Variants in SPNS2 observed in about 807,000 individuals in gnomAD.
The protein encoded by SPNS2 is SPNS lysolipid transporter 2, sphingosine-1-phosphate, also known as sphingosine-1-phosphate transporter SPNS2.
A neutral mutation model predicts 57.6 loss-of-function variants in SPNS2; 37 were observed. That is an observed-to-expected ratio of 0.64 (90% CI 0.49 to 0.85). SPNS2 has a LOEUF of 0.85. Among genes scored for constraint, SPNS2 ranks in the 40% least tolerant of loss-of-function variants. The pLI is 0.00. For missense variants in SPNS2, 831 were observed against 779.1 expected, an observed-to-expected ratio of 1.07 and a Z score of -0.79; for synonymous variants, 440 against 346.9, an observed-to-expected ratio of 1.27 and a Z score of -2.98.
chr17:4,507,713 T>A (rs780335989), intron 1 of SPNS2, among the ~76,000 whole-genome samples: 1 of 152,148 alleles, frequency 6.6e-6, no homozygotes, highest in South Asian at 2.1e-4. Context: ...CAGGCTCAGG[T>A]AGGGTGAACG....
In SPNS2 at chr17:4,536,104, C is replaced by T; in HGVS notation, c.1373C>T (p.Thr458Ile). ...GTGGTCATCCCCACGCGGCGCGCCACTGCCGTGGCCTTGCAGAGCTTCACC... is the reference window on the plus strand; with the variant it reads ...GTGGTCATCCCCACGCGGCGCGCCATTGCCGTGGCCTTGCAGAGCTTCACC... Reference protein sequence around the residue: ...MYVVIPTRRATAVALQSFTSH... With the variant: ...MYVVIPTRRAIAVALQSFTSH... The change falls in exon 10 of 13, where the codon ACT becomes ATT. Residue 458 changes from threonine to isoleucine, a missense_variant. Thr to Ile is a moderately conservative substitution (Grantham distance 89, BLOSUM62 -1). This residue lies in a region of SPNS2 where 526 missense variants were observed against 400.9 expected (regional missense o/e 1.31). Transcript: ENST00000329078. The T allele has an allele frequency of 6.2e-7, 1 of 1,612,424 alleles. No homozygotes were observed. Among genetic ancestry groups the T allele is most frequent in the Non-Finnish European group, 8.5e-7 (1 of 1,179,820 alleles).
Position 4,536,886 on chromosome 17 carries a change from CG to C in SPNS2, c.1608-13del. 6.2e-7 allele frequency: 1 copy of C among 1,613,004 alleles called. No individual in the cohort carries two copies. The highest frequency in any genetic ancestry group is 8.5e-7 in the Non-Finnish European group (1 of 1,179,690). On this transcript the variant is annotated splice_polypyrimidine_tract_variant and intron_variant, in intron 11 of 12. Coordinates refer to ENST00000329078, the MANE Select transcript of SPNS2 (RefSeq NM_001124758.3). ...CTGATGCACCACCCTGACCCCCGCC[CG>C]TCTCTCCCCCAGGGTGAACCAGCTG...
Position 4,499,085 on chromosome 17 carries a change from G to A in SPNS2, c.38G>A (p.Gly13Asp). 9.6e-7 allele frequency: 1 copy of A among 1,046,626 alleles called. No homozygotes were observed. The highest frequency in any genetic ancestry group is 1.1e-6 in the Non-Finnish European group (1 of 871,990). The allele number at this position is 1,046,626 out of a possible 1,614,324, so 64.8% of individuals were successfully genotyped here. A position where few individuals can be genotyped will look rare whatever the true frequency, so the allele number is the denominator to read the frequency against. The stretch of plus-strand genomic sequence containing the variant: ...GAATGCGCCTCGGCGGCGGCGGGCG[G>A]CGCGGAGGAGGAGGAGGCGGACGCG... ...CLECASAAAGGAEEEEADAER... is the reference protein window; with the variant it reads ...CLECASAAAGDAEEEEADAER... Residue 13 changes from glycine to aspartate, a missense_variant, in exon 1 of 13, where the codon GGC becomes GAC. Gly to Asp is a moderately conservative substitution (Grantham distance 94). Coordinates refer to ENST00000329078, the MANE Select transcript of SPNS2 (RefSeq NM_001124758.3). This position sits in a 1 kb window ranked among gnomAD's most constrained non-coding sequence, Gnocchi z 5.2.
chr17:4,507,064 C>G (rs999535372), intron 1 of SPNS2, among the ~76,000 whole-genome samples: 1 of 152,174 alleles, frequency 6.6e-6, no homozygotes, highest in African/African-American at 2.4e-5. Context: ...TGGCCCAGTC[C>G]CTAGGCTGGT....
At chr17:4,502,844 A>T (rs565142571) in intron 1 of SPNS2, among the ~76,000 whole-genome samples, 2 of 152,116 alleles carry the variant, frequency 1.3e-5, no homozygotes, top group African/African-American at 4.8e-5. Flanking sequence ...TCCTTTCAGG[A>T]CACCTTTGCA....
chr17:4,528,084 A>C (rs1905309155), intron 3 of SPNS2, among the ~76,000 whole-genome samples: 1 of 151,736 alleles, frequency 6.6e-6, no homozygotes, highest in Non-Finnish European at 1.5e-5. Flanking sequence ...GTGCAATGGC[A>C]CAATCTGGGT....
chr17:4,527,515 C>G (rs1034750117), intron 3 of SPNS2, among the ~76,000 whole-genome samples: 5 of 152,188 alleles, frequency 3.3e-5, no homozygotes, highest in Admixed American at 6.5e-5. Context: ...AAAAAGCAAG[C>G]TCTTAAAATC....
chr17:4,530,755 G>A lies in SPNS2; in HGVS notation c.697G>A (p.Val233Ile), dbSNP rs373152397. 131 of 1,613,796 alleles carry A rather than the reference G, an allele frequency of 8.1e-5. No homozygotes were observed. The highest frequency in any genetic ancestry group is 2.7e-4 in the African/African-American group (20 of 75,040). ...TKNTRTLMLS[V>I]FYFAIPLGSG... ...GAACACGCGTACGCTCATGCTGTCCGTCTTCTACTTCGCCATCCCACTGGG... is the reference window on the plus strand; with the variant it reads ...GAACACGCGTACGCTCATGCTGTCCATCTTCTACTTCGCCATCCCACTGGG... Residue 233 changes from valine to isoleucine, a missense_variant, in exon 4 of 13, where the codon GTC (valine) becomes ATC (isoleucine). Physicochemically the swap from Val to Ile is conservative, Grantham distance 29. Around this residue, in one of 2 missense-constraint regions of SPNS2, gnomAD observed 305 missense variants for 378.3 expected, o/e 0.81. Coordinates refer to ENST00000329078, the MANE Select transcript of SPNS2 (RefSeq NM_001124758.3).
At chr17:4,524,981 C>T in intron 2 of SPNS2, 76 bp from the exon 3 acceptor site, 1 of 1,574,488 alleles carries the variant, frequency 6.4e-7, no homozygotes, top group Non-Finnish European at 8.7e-7. Flanking sequence ...CTCTTGGCCC[C>T]AAGCCGGAGT....
Position 4,538,590 on chromosome 17 carries a change from C to T in SPNS2, c.*1142C>T, listed in dbSNP as rs1045845. On this transcript the variant is annotated 3_prime_UTR_variant, in exon 13 of 13. Transcript: ENST00000329078. ...AGCTTAGCCCCCTGCGTCACCCACT[C>T]CCTGCACTTCTGCTGCAATCAAGGT... The T allele has an allele frequency of 3.2e-5, 13 of 411,784 alleles. No individual in the cohort carries two copies. Among genetic ancestry groups the T allele is most frequent in the Non-Finnish European group, 5.3e-5 (12 of 225,168 alleles). The allele number at this position is 411,784 out of a possible 1,614,324, so 25.5% of individuals were successfully genotyped here.
At position 4,532,589 on chromosome 17, in the gene SPNS2, G is replaced by A. The variant is rs1038591410; in HGVS notation, c.840G>A (p.Leu280=). 1 of 1,614,056 alleles carries A rather than the reference G, an allele frequency of 6.2e-7. No individual in the cohort carries two copies. The highest frequency in any genetic ancestry group is 8.5e-7 in the Non-Finnish European group (1 of 1,180,020). Residue 280 remains leucine, a synonymous_variant, in exon 6 of 13, where the codon CTG becomes CTA. Coordinates refer to ENST00000329078, the MANE Select transcript of SPNS2 (RefSeq NM_001124758.3). ...TCACAGGAACACTCATCCTCATTCT[G>A]GTCCCAGCCACTAAAAGGGGTCATG... ...GMITGTLILI[L]VPATKRGHAD...
rs114239548 is a variant in SPNS2, at chr17:4,512,675, C to A, written c.371-572C>A. On this transcript the variant is annotated intron_variant, in intron 1 of 12. Coordinates refer to ENST00000329078, the MANE Select transcript of SPNS2 (RefSeq NM_001124758.3). The surrounding 1 kb of genome is among the most constrained non-coding windows in gnomAD (Gnocchi z 5.2). Reference sequence around the variant, plus strand: ...GCGCGCACGGGTATGTGTGTGCGCGCGTGGGTGTGTATGCATGTGTGCAGG... The same window carrying A: ...GCGCGCACGGGTATGTGTGTGCGCGAGTGGGTGTGTATGCATGTGTGCAGG... Among the ~76,000 whole-genome samples the A allele has an allele frequency of 6.6e-6, 1 of 151,108 alleles. No individual in the cohort carries two copies. The highest frequency in any genetic ancestry group is 2.4e-5 in the African/African-American group (1 of 41,020).
In SPNS2 at chr17:4,538,361, G is replaced by A. The variant is rs1358806743; in HGVS notation, c.*913G>A. 1 of 178,974 alleles carries A rather than the reference G, an allele frequency of 5.6e-6. No individual in the cohort carries two copies. The highest frequency in any genetic ancestry group is 1.2e-5 in the Non-Finnish European group (1 of 85,276). 11.1% of individuals were successfully genotyped at this position (178,974 alleles called of 1,614,324 possible). Reference sequence around the variant, plus strand: ...GGCAGTAGCCAGGGCTCCGGCTGCTGGAGGAAGCAGCTATCCACAAAGCTT... The same window carrying A: ...GGCAGTAGCCAGGGCTCCGGCTGCTAGAGGAAGCAGCTATCCACAAAGCTT... On this transcript the variant is annotated 3_prime_UTR_variant, in exon 13 of 13. Transcript: ENST00000329078.
At chr17:4,522,974 T>C (rs1030185952) in intron 2 of SPNS2, among the ~76,000 whole-genome samples, 1 of 152,228 alleles carries the variant, frequency 6.6e-6, no homozygotes, top group Admixed American at 6.5e-5. Flanking sequence ...GTCACAGTCA[T>C]CACAGTGGGC....
chr17:4,533,506 G>T, intron 8 of SPNS2, 74 bp downstream of exon 8: 3 of 1,438,914 alleles, frequency 2.1e-6, no homozygotes, highest in Middle Eastern at 1.8e-4. Flanking sequence ...CAGGACATTC[G>T]GTCTGACTTA....
At chr17:4,534,840 C>G (rs1373237646) in intron 9 of SPNS2, among the ~76,000 whole-genome samples, 1 of 152,118 alleles carries the variant, frequency 6.6e-6, no homozygotes, top group East Asian at 1.9e-4. Flanking sequence ...AGATTAAGTG[C>G]TCTTGGTGCT....
chr17:4,515,914 A>G (rs1421910316), intron 2 of SPNS2, among the ~76,000 whole-genome samples: 1 of 152,190 alleles, frequency 6.6e-6, no homozygotes, highest in East Asian at 1.9e-4. Flanking sequence ...GGATGAGCCC[A>G]CTTTCAGCAG....
chr17:4,536,572 T>C (rs1905823134), intron 11 of SPNS2, 146 bp downstream of exon 11: 2 of 1,019,976 alleles, frequency 2.0e-6, no homozygotes, highest in South Asian at 1.7e-5. Flanking sequence ...GGTCCAGCCC[T>C]GAGGCCCAGT....
At chr17:4,502,367 G>A (rs1364447947) in intron 1 of SPNS2, among the ~76,000 whole-genome samples, 6 of 136,252 alleles carry the variant, frequency 4.4e-5, no homozygotes, top group Admixed American at 7.3e-5. Flanking sequence ...GTGACAGAGT[G>A]AGGCTCTGTC....
Sources: gnomAD v4.1 joint callset for allele counts (sites outside exome capture counted in the v4.1 genomes callset) on GRCh38, gnomAD v4.1.1 for gene constraint, gnomAD v4.1.1 regional missense constraint, Gnocchi (gnomAD v3.1) non-coding constraint, MANE v1.5 for transcripts, NCBI Gene and HGNC (gene_info 2026-07-23, HGNC 2026-07-21) for gene names.